TCF4: variants seen among roughly 807,000 people sequenced by gnomAD.
TCF4 encodes the protein transcription factor 4.
In TCF4, 3 loss-of-function variants were observed where a neutral mutation model predicts 82.1. The ratio of observed to expected loss-of-function variants is 0.04; its 90% CI spans 0.02 to 0.09. The LOEUF is 0.09. Among genes scored for constraint, TCF4 ranks in the 10% least tolerant of loss-of-function variants. The pLI is 1.00. For synonymous variants in TCF4, 276 were observed against 309.6 expected, an observed-to-expected ratio of 0.89 and a Z score of 1.14; for missense variants, 518 against 852.7, an observed-to-expected ratio of 0.61 and a Z score of 4.89.
At chr18:55,428,709 C>G (rs938116926) in intron 5 of TCF4, among the ~76,000 whole-genome samples, 1 of 152,196 alleles carries the variant, frequency 6.6e-6, no homozygotes, top group Non-Finnish European at 1.5e-5. Flanking sequence ...TATTAAAGCT[C>G]AGATAAACCA....
intron 5 of TCF4, chr18:55,422,207 C>T: frequency 1.0e-6 from 1 of 983,396 alleles, no homozygotes; most frequent in Non-Finnish European, 1.2e-6. Flanking sequence ...GGGTAGCACG[C>T]CGAGGGAGGC....
intron 3 of TCF4, among the ~76,000 whole-genome samples, chr18:55,478,389 A>G (rs77459369): frequency 6.6e-6 from 1 of 152,192 alleles, no homozygotes; most frequent in African/African-American, 2.4e-5. Context: ...CAACCTTTCC[A>G]TGTAAAACCA....
At position 55,275,611 on chromosome 18, in the gene TCF4, T is replaced by C. The variant is rs775461255; in HGVS notation, c.789+8A>G. The C allele has an allele frequency of 5.0e-6, 8 of 1,613,738 alleles. No individual in the cohort carries two copies. Among genetic ancestry groups the C allele is most frequent in the Non-Finnish European group, 5.1e-6 (6 of 1,179,704 alleles). Reference sequence around the variant, plus strand: ...TGACATTCCCGTTACCGTGTATGTCTGCCTTACCAAACGTTCATGTGGATG... The same window carrying C: ...TGACATTCCCGTTACCGTGTATGTCCGCCTTACCAAACGTTCATGTGGATG... On this transcript the variant is annotated splice_region_variant and intron_variant, in intron 10 of 19. Coordinates refer to ENST00000354452, the MANE Select transcript of TCF4 (RefSeq NM_001083962.2).
At chr18:55,429,311 C>A (rs1041424040) in intron 5 of TCF4, among the ~76,000 whole-genome samples, 3 of 152,188 alleles carry the variant, frequency 2.0e-5, no homozygotes, top group Admixed American at 6.5e-5. Context: ...CACAGAAGTT[C>A]CAAGTCCTGC....
At chr18:55,401,802 G>C (rs1395577059) in intron 6 of TCF4, 2 of 985,202 alleles carry the variant, frequency 2.0e-6, no homozygotes, top group Non-Finnish European at 2.4e-6. Flanking sequence ...GGATACAGGG[G>C]TGAGGAAGCC....
intron 3 of TCF4, among the ~76,000 whole-genome samples, chr18:55,536,163 C>A (rs1464618539): frequency 1.3e-5 from 2 of 152,164 alleles, no homozygotes; most frequent in Non-Finnish European, 2.9e-5. Context: ...TATATAGAAA[C>A]AACATCAATG....
intron 5 of TCF4, among the ~76,000 whole-genome samples, chr18:55,459,562 T>C (rs1212308178): frequency 1.3e-5 from 2 of 152,202 alleles, no homozygotes; most frequent in Non-Finnish European, 1.5e-5. Flanking sequence ...AGTGAATCTT[T>C]TATTCTAAGT....
intron 3 of TCF4, among the ~76,000 whole-genome samples, chr18:55,507,294 A>G (rs756024612): frequency 1.1e-4 from 17 of 152,336 alleles, no homozygotes; most frequent in Non-Finnish European, 1.9e-4. Flanking sequence ...AAGGGTGACT[A>G]GAACCTGAGC....
At chr18:55,616,306 T>C (rs928160072) in intron 2 of TCF4, among the ~76,000 whole-genome samples, 1 of 152,134 alleles carries the variant, frequency 6.6e-6, no homozygotes, top group Admixed American at 6.5e-5. Context: ...ATGACAGGAT[T>C]TTTTTAAGGT....
intron 6 of TCF4, among the ~76,000 whole-genome samples, chr18:55,366,342 G>A (rs1386344349): frequency 6.6e-6 from 1 of 152,154 alleles, no homozygotes; most frequent in African/African-American, 2.4e-5. Flanking sequence ...CTTACTAGGT[G>A]TATCTATTCA....
intron 14 of TCF4, among the ~76,000 whole-genome samples, chr18:55,256,489 G>C (rs62092444): frequency 6.6e-6 from 1 of 151,938 alleles, no homozygotes; most frequent in Non-Finnish European, 1.5e-5. Context: ...CACAGCAAAG[G>C]AGGGAAATCC....
chr18:55,291,947 A>T (rs2065194568), intron 8 of TCF4, among the ~76,000 whole-genome samples: 1 of 152,190 alleles, frequency 6.6e-6, no homozygotes, highest in Non-Finnish European at 1.5e-5. Context: ...GAGCTAAAGA[A>T]ATGTAAAGGA....
intron 5 of TCF4, among the ~76,000 whole-genome samples, chr18:55,419,606 T>C (rs1239785759): frequency 6.6e-6 from 1 of 152,210 alleles, no homozygotes; most frequent in Non-Finnish European, 1.5e-5. Flanking sequence ...CAGTGGCTCA[T>C]GAGTAATATA....
Position 55,588,049 on chromosome 18 carries a change from G to A in TCF4, c.-32C>T, listed in dbSNP as rs1603624916. The A allele has an allele frequency of 4.1e-6, 4 of 983,438 alleles. No homozygotes were observed. The highest frequency in any genetic ancestry group is 9.0e-5 in the South Asian group (2 of 22,100). 60.9% of individuals were successfully genotyped at this position (983,438 alleles called of 1,614,324 possible). On this transcript the variant is annotated 5_prime_UTR_variant, in exon 1 of 20. Transcript: ENST00000354452. ...GCGCCGGTACCTACCGCCCGCGCGC[G>A]AGAAGGGGCTCTCCGTGCACCGCCG...
chr18:55,255,133 A>G (rs563272570), intron 14 of TCF4, among the ~76,000 whole-genome samples: 8 of 152,156 alleles, frequency 5.3e-5, no homozygotes, highest in Non-Finnish European at 1.2e-4. Flanking sequence ...CTGAAGGTAT[A>G]TTTCTTTGGT....
intron 6 of TCF4, chr18:55,351,969 A>C (rs1023556448): frequency 1.3e-6 from 1 of 767,794 alleles, no homozygotes; most frequent in African/African-American, 1.9e-5. Flanking sequence ...CGTTACTTGT[A>C]ATCAACTTTT....
upstream of TCF4, among the ~76,000 whole-genome samples, chr18:55,592,325 G>A (rs901779588): frequency 6.6e-6 from 1 of 152,300 alleles, no homozygotes; most frequent in African/African-American, 2.4e-5. Flanking sequence ...AGGCTACAAA[G>A]TCTGACATCA....
intron 11 of TCF4, chr18:55,267,358 T>C (rs991323566): frequency 3.3e-5 from 5 of 152,142 alleles, no homozygotes; most frequent in Non-Finnish European, 5.9e-5. Flanking sequence ...TCCATACTGT[T>C]TGTTAGGGTA....
At chr18:55,451,396 G>A (rs2095620450) in intron 5 of TCF4, among the ~76,000 whole-genome samples, 1 of 152,158 alleles carries the variant, frequency 6.6e-6, no homozygotes, top group Non-Finnish European at 1.5e-5. Context: ...GAAAACGGGG[G>A]CTCTGAGGAA....
Sources: gnomAD v4.1 joint callset for allele counts (sites outside exome capture counted in the v4.1 genomes callset) on GRCh38, gnomAD v4.1.1 for gene constraint, MANE v1.5 for transcripts, NCBI Gene and HGNC (gene_info 2026-07-23, HGNC 2026-07-21) for gene names.